Variants in SPMIP1 observed in about 807,000 individuals in gnomAD.
SPMIP1 encodes the protein sperm microtubule inner protein 1.
At chr7:128,868,615 G>A in the SPMIP1 span, 2 of 1,222,594 alleles carry the variant, frequency 1.6e-6, no homozygotes, top group South Asian at 1.3e-5. Flanking sequence ...CCCATGCTCT[G>A]CGTGTCCCTC....
At chr7:128,867,705 GGGACTGCAGGCGTGTGTCACCACGC>G in the SPMIP1 span, among the ~76,000 whole-genome samples, 1 of 152,168 alleles carries the variant, frequency 6.6e-6, no homozygotes, top group Non-Finnish European at 1.5e-5. Flanking sequence ...CCGAGTAGCT[GGGACTGCAGGCGTGTGTCACCACGC>G]CCAGCTAATT....
the SPMIP1 span, chr7:128,868,666 GCC>G: frequency 1.3e-6 from 2 of 1,531,488 alleles, no homozygotes; most frequent in African/African-American, 2.7e-5. Context: ...CTTTTCCCAG[GCC>G]CCCCAGTGAA....
chr7:128,867,821 C>T, the SPMIP1 span, among the ~76,000 whole-genome samples: 3 of 152,188 alleles, frequency 2.0e-5, no homozygotes, highest in African/African-American at 7.2e-5. Flanking sequence ...CTGCCTGTCT[C>T]GGCCTCCCAA....
At chr7:128,868,627 C>A in the SPMIP1 span, 1 of 1,394,736 alleles carries the variant, frequency 7.2e-7, no homozygotes, top group South Asian at 1.3e-5. Context: ...GTGTCCCTCC[C>A]TCAGGAACCC....
the SPMIP1 span, chr7:128,870,599 C>G: frequency 6.6e-6 from 1 of 152,268 alleles, no homozygotes; most frequent in Admixed American, 6.5e-5. Flanking sequence ...CGGGTCCGAG[C>G]CCAGCCCTTC....
the SPMIP1 span, chr7:128,870,062 G>T: frequency 6.6e-6 from 1 of 152,248 alleles, no homozygotes; most frequent in Admixed American, 6.5e-5. Flanking sequence ...CCCCTCCCGG[G>T]CGGCCCCCAG....
chr7:128,869,399 C>T, the SPMIP1 span: 2 of 152,958 alleles, frequency 1.3e-5, no homozygotes, highest in Non-Finnish European at 2.9e-5. Flanking sequence ...AAGCTCGGCC[C>T]CTGCCCCGCG....
chr7:128,866,650 G>T, the SPMIP1 span: 1 of 1,293,116 alleles, frequency 7.7e-7, no homozygotes. Context: ...CCCTGTCCCA[G>T]AGGCGCCTTT....
chr7:128,871,444 T>C, the SPMIP1 span: 3 of 152,248 alleles, frequency 2.0e-5, no homozygotes, highest in Admixed American at 1.3e-4. Flanking sequence ...GCCTTTTCTT[T>C]GTTTCTGACA....
the SPMIP1 span, chr7:128,868,690 TCTC>T: frequency 6.5e-7 from 1 of 1,535,440 alleles, no homozygotes; most frequent in South Asian, 1.2e-5. Context: ...CAAGAACTGG[TCTC>T]CTGCAAGATG....
the SPMIP1 span, chr7:128,869,895 G>C: frequency 1.3e-5 from 2 of 151,762 alleles, no homozygotes; most frequent in East Asian, 3.9e-4. Context: ...CAGCCCGTGC[G>C]GATCGCGCTC....
At chr7:128,866,930 G>C in the SPMIP1 span, 1 of 1,199,798 alleles carries the variant, frequency 8.3e-7, no homozygotes, top group African/African-American at 1.5e-5. Context: ...AACAGAGCAA[G>C]GAGATGGCCA....
the SPMIP1 span, chr7:128,870,290 A>C: frequency 2.0e-5 from 3 of 151,512 alleles, no homozygotes; most frequent in Non-Finnish European, 2.9e-5. Context: ...GGCTTGTGAG[A>C]TATTGCCTTC....
At chr7:128,867,878 A>G in the SPMIP1 span, among the ~76,000 whole-genome samples, 1 of 152,100 alleles carries the variant, frequency 6.6e-6, no homozygotes, top group Non-Finnish European at 1.5e-5. Context: ...TATAGGTGCT[A>G]TTTAAATCCA....
the SPMIP1 span, chr7:128,868,666 GC>G: frequency 2.0e-4 from 302 of 1,531,620 alleles, no homozygotes; most frequent in Non-Finnish European, 2.2e-4. Flanking sequence ...CTTTTCCCAG[GC>G]CCCCCAGTGA....
At chr7:128,869,185 G>A in the SPMIP1 span, 1 of 315,794 alleles carries the variant, frequency 3.2e-6, no homozygotes, top group Non-Finnish European at 5.8e-6. Flanking sequence ...GCCCGCAGCC[G>A]CTCCGTCCTC....
the SPMIP1 span, chr7:128,868,653 C>G: frequency 6.6e-7 from 1 of 1,517,166 alleles, no homozygotes. Flanking sequence ...TGGCCTCTGA[C>G]ATCTTTTCCC....
chr7:128,870,863 T>G, the SPMIP1 span: 1 of 152,220 alleles, frequency 6.6e-6, no homozygotes, highest in African/African-American at 2.4e-5. Context: ...CTGAAGAGCC[T>G]CCTCCTCACC....
the SPMIP1 span, chr7:128,869,730 C>A: frequency 6.6e-6 from 1 of 152,208 alleles, no homozygotes; most frequent in Non-Finnish European, 1.5e-5. Flanking sequence ...GCGCTTAAGC[C>A]CGCAGGCGCC....
Sources: allele counts gnomAD v4.1 joint callset (sites outside exome capture counted in the v4.1 genomes callset), GRCh38; gene constraint gnomAD v4.1.1; transcripts MANE v1.5; gene names NCBI Gene and HGNC (gene_info 2026-07-23, HGNC 2026-07-21).